Variants in AARS1 observed in about 807,000 individuals in gnomAD.
The protein encoded by AARS1 is alanyl-tRNA synthetase 1.
AARS1 carries 72 observed loss-of-function variants against 108.9 expected under a neutral mutation model. The observed-to-expected ratio is 0.66, with a 90% confidence interval of 0.55 to 0.80. AARS1 has a LOEUF of 0.80. Ranked by LOEUF, AARS1 falls within the 30% of genes least tolerant of loss-of-function variation. The probability of loss-of-function intolerance (pLI) is 0.00; values close to 1 mark genes in which losing one functional copy is unlikely to be tolerated. For missense variants in AARS1, 1,193 were observed against 1,233.2 expected (o/e 0.97, Z 0.49); for synonymous variants, 489 against 465.7 (o/e 1.05, Z -0.64).
chr16:70,269,703 T>C lies in AARS1; in HGVS notation c.877A>G (p.Met293Val), dbSNP rs762420332. The C allele has an allele frequency of 5.0e-6, 8 of 1,614,150 alleles. No homozygotes were observed. In the Middle Eastern group the frequency reaches 4.9e-4, roughly 100 times the overall value. Residue 293 changes from methionine (M) to valine (V), a missense_variant, in exon 7 of 21, where the codon ATG becomes GTG. Coordinates refer to ENST00000261772, the MANE Select transcript of AARS1 (RefSeq NM_001605.3). ...VGAEDADGIDMAYRVLADHAR... is the reference protein window; with the variant it reads ...VGAEDADGIDVAYRVLADHAR... The stretch of plus-strand genomic sequence containing the variant: ...TGGTCAGCCAGCACCCGGTAGGCCA[T>C]GTCAATCCCATCGGCATCCTCAGCA...
In AARS1 at chr16:70,265,583, C is replaced by T. The variant is rs752566988; in HGVS notation, c.1302G>A (p.Leu434=). 8.1e-6 allele frequency: 13 copies of T among 1,613,944 alleles called. 1 individual carries two copies. The highest frequency in any genetic ancestry group is 1.1e-5 in the Non-Finnish European group (13 of 1,179,982). Residue 434 remains leucine, a synonymous_variant, in exon 10 of 21, where the codon CTG becomes CTA. Coordinates refer to ENST00000261772, the MANE Select transcript of AARS1 (RefSeq NM_001605.3). The stretch of plus-strand genomic sequence containing the variant: ...CTTCAAAGCCATCCATGTCTACCAC[C>T]AGGCCCTTCTCTTCAGCAATCAGTC... ...LTGLIAEEKG[L]VVDMDGFEEE... is the part of the protein sequence containing the mutation.
chr16:70,283,792 C>T (rs1042529145), intron 1 of AARS1, among the ~76,000 whole-genome samples: 14 of 152,190 alleles, frequency 9.2e-5, no homozygotes, highest in African/African-American at 3.1e-4. Context: ...TAACAGCAAA[C>T]GGCTGCCTTC....
chr16:70,282,260 C>T (rs1960715672), intron 2 of AARS1, among the ~76,000 whole-genome samples: 1 of 139,136 alleles, frequency 7.2e-6, no homozygotes, highest in Admixed American at 8.1e-5. Flanking sequence ...ATCCAGAAGG[C>T]AGAACTTGCA....
At chr16:70,253,009 G>T in intron 20 of AARS1, 103 bp from the exon 21 acceptor site, 2 of 1,303,356 alleles carry the variant, frequency 1.5e-6, no homozygotes, top group Non-Finnish European at 2.2e-6. Context: ...TCCTTGCCCT[G>T]GGTGATACTG....
In AARS1 at chr16:70,276,588, A is replaced by G; in HGVS notation, c.377T>C (p.Phe126Ser). The part of the protein sequence containing the change: ...KMALELLTQE[F>S]GIPIERLYVT... ...ATAAAGTCTTTCAATGGGAATGCCA[A>G]ACTCTTGGGTGAGGAGTTCCAGAGC... Residue 126 changes from phenylalanine (F) to serine (S), a missense_variant, in exon 4 of 21, where the codon TTT (phenylalanine) becomes TCT (serine). Phe to Ser is a radical substitution (Grantham distance 155). Coordinates refer to ENST00000261772, the MANE Select transcript of AARS1 (RefSeq NM_001605.3). 6.2e-7 allele frequency: 1 copy of G among 1,614,116 alleles called. No homozygotes were observed.
At chr16:70,279,652 C>T (rs1392487172) in intron 2 of AARS1, among the ~76,000 whole-genome samples, 1 of 135,800 alleles carries the variant, frequency 7.4e-6, no homozygotes, top group Non-Finnish European at 1.6e-5. Flanking sequence ...AAGAGCAAAA[C>T]TCTGTCTCAA....
intron 11 of AARS1, among the ~76,000 whole-genome samples, chr16:70,264,384 T>C (rs1041872838): frequency 2.6e-5 from 4 of 151,594 alleles, no homozygotes; most frequent in East Asian, 2.0e-4. Flanking sequence ...TGGCATGATC[T>C]TGGCTCACTG....
chr16:70,258,414 A>G (rs1960047001), intron 14 of AARS1, among the ~76,000 whole-genome samples, 197 bp from the exon 15 acceptor site: 1 of 152,198 alleles, frequency 6.6e-6, no homozygotes, highest in Admixed American at 6.5e-5. Flanking sequence ...TATTTTGTTA[A>G]ACTGTGGACC....
rs762241810 is a variant in AARS1 at position 70,252,727 on chromosome 16, C to G, written c.2901G>C (p.Lys967Asn). The change falls in exon 21 of 21, where the codon AAG (lysine) becomes AAC (asparagine). Residue 967 changes from lysine (K) to asparagine (N), a missense_variant. Lys to Asn is a moderately conservative substitution (Grantham distance 94). Transcript: ENST00000261772. ...SFAQLRLGDVKN is the reference protein window; with the variant it reads ...SFAQLRLGDVNN ...GAGCCTCCTCCTTCCCCACTCAGTTCTTTACATCCCCGAGGCGCAGCTGGG... is the reference window on the plus strand; with the variant it reads ...GAGCCTCCTCCTTCCCCACTCAGTTGTTTACATCCCCGAGGCGCAGCTGGG... 8.1e-6 allele frequency: 13 copies of G among 1,613,962 alleles called. No individual in the cohort carries two copies. The highest frequency in any genetic ancestry group is 1.1e-5 in the Non-Finnish European group (13 of 1,180,034).
intron 13 of AARS1, among the ~76,000 whole-genome samples, chr16:70,260,459 T>G (rs1960105546): frequency 6.6e-6 from 1 of 152,168 alleles, no homozygotes; most frequent in African/African-American, 2.4e-5. Context: ...TCTTCATTCT[T>G]CAGCATCCTT....
intron 9 of AARS1, 55 bp from the exon 10 acceptor site, chr16:70,265,717 C>A: frequency 6.2e-7 from 1 of 1,606,876 alleles, no homozygotes; most frequent in Non-Finnish European, 8.5e-7. Context: ...TTTTCCATGC[C>A]AAGCCCTCCA....
chr16:70,271,922 T>A lies in AARS1; in HGVS notation c.530A>T (p.Glu177Val). Residue 177 changes from glutamate (E) to valine (V), a missense_variant, in exon 5 of 21, where the codon GAG becomes GTG. By Grantham distance (121) the Glu-to-Val change is moderately radical (BLOSUM62 -2). Transcript: ENST00000261772. Reference protein sequence around the residue: ...LPGNMKDNFWEMGDTGPCGPC... With the variant: ...LPGNMKDNFWVMGDTGPCGPC... The stretch of plus-strand genomic sequence containing the variant: ...ACCACAGGGGCCCGTGTCACCCATC[T>A]CCCAGAAGTTATCCTTCATGTTGCC... The A allele has an allele frequency of 6.2e-7, 1 of 1,614,134 alleles. No homozygotes were observed. The highest frequency in any genetic ancestry group is 2.2e-5 in the East Asian group (1 of 44,870).
At chr16:70,287,065 C>T (rs925962691) in intron 1 of AARS1, among the ~76,000 whole-genome samples, 2 of 151,456 alleles carry the variant, frequency 1.3e-5, no homozygotes, top group African/African-American at 4.8e-5. Flanking sequence ...TCCTGGCTAA[C>T]ACGGTGAAAC....
chr16:70,261,046 C>A lies in AARS1; in HGVS notation c.1783G>T (p.Glu595Ter). The A allele has an allele frequency of 1.2e-6, 2 of 1,612,116 alleles. No homozygotes were observed. The highest frequency in any genetic ancestry group is 1.7e-6 in the Non-Finnish European group (2 of 1,178,406). Residue 595 changes from glutamate to a stop codon, truncating the protein, a stop_gained and splice_region_variant, in exon 13 of 21, where the codon GAG becomes TAG. Transcript: ENST00000261772. LOFTEE classifies it high-confidence loss of function. The stretch of plus-strand genomic sequence containing the variant: ...GGGGCCACAGTAACCCAACTCACCT[C>A]ATCAATAAACAGCCAGACCTGATCC... Reference protein sequence around the residue: ...VGDQVWLFIDEPRRRPIMSNH... With the variant: ...VGDQVWLFID
chr16:70,254,739 G>A lies in AARS1; in HGVS notation c.2287-5C>T. 6.3e-7 allele frequency: 1 copy of A among 1,599,288 alleles called. No homozygotes were observed. The highest frequency in any genetic ancestry group is 1.7e-5 in the Admixed American group (1 of 59,982). On this transcript the variant is annotated splice_polypyrimidine_tract_variant and splice_region_variant and intron_variant, in intron 16 of 20. Transcript: ENST00000261772. ...GCTCTCTGCTTTCCTGAGGGCCTGG[G>A]AGGGGACACCGGGTCAACCCCAAGC...
chr16:70,253,817 C>T lies in AARS1; in HGVS notation c.2521-17G>A. ...CTCTAACACCTGCAAGAAAAAAGTC[C>T]AGAACAGCAGCTCAGACCAAAAGCC... On this transcript the variant is annotated splice_polypyrimidine_tract_variant and intron_variant, in intron 18 of 20. Transcript: ENST00000261772. The T allele has an allele frequency of 1.9e-6, 3 of 1,614,208 alleles. No homozygotes were observed. The highest frequency in any genetic ancestry group is 2.5e-6 in the Non-Finnish European group (3 of 1,180,030).
intron 9 of AARS1, among the ~76,000 whole-genome samples, chr16:70,267,267 A>T (rs1296678211): frequency 1.3e-5 from 2 of 152,190 alleles, no homozygotes; most frequent in African/African-American, 4.8e-5. Context: ...ATTTTCCCCA[A>T]ATTGCAAAAC....
intron 17 of AARS1, 69 bp from the exon 18 acceptor site, chr16:70,254,107 C>G (rs963738939): frequency 1.2e-6 from 2 of 1,603,166 alleles, no homozygotes; most frequent in Admixed American, 1.7e-5. Context: ...CAGCCCACCC[C>G]ACCCGAACCC....
chr16:70,255,135 G>A (rs55819743), intron 16 of AARS1, among the ~76,000 whole-genome samples: 10,197 of 151,102 alleles, frequency 0.067, 1,161 homozygotes, highest in African/African-American at 0.23. Flanking sequence ...ATGCCACAGC[G>A]AATCTATGTC....
Sources: gnomAD v4.1 joint callset for allele counts (sites outside exome capture counted in the v4.1 genomes callset) on GRCh38, gnomAD v4.1.1 for gene constraint, MANE v1.5 for transcripts, NCBI Gene and HGNC (gene_info 2026-07-23, HGNC 2026-07-21) for gene names.